FHIT: variants seen among roughly 807,000 people sequenced by gnomAD.
FHIT encodes the protein bis(5'-adenosyl)-triphosphatase.
FHIT carries 19 observed loss-of-function variants against 17.9 expected under a neutral mutation model. The ratio of observed to expected loss-of-function variants is 1.06; its 90% CI spans 0.74 to 1.56. The LOEUF (loss-of-function observed/expected upper bound fraction) is 1.56. FHIT is among the 40% of genes most tolerant of loss of function. FHIT has a pLI of 0.00. For missense variants in FHIT, 248 were observed against 189.2 expected (o/e 1.31, Z -1.82); for synonymous variants, 81 against 69.7 (o/e 1.16, Z -0.81).
At chr3:60,877,718 A>C (rs1704735970) in intron 3 of FHIT, among the ~76,000 whole-genome samples, 1 of 152,082 alleles carries the variant, frequency 6.6e-6, no homozygotes, top group South Asian at 2.1e-4. Context: ...AAGGAAACAG[A>C]GTAGAACATG....
chr3:59,834,484 T>G lies in FHIT; in HGVS notation c.349-82163A>C, dbSNP rs1701272969. On this transcript the variant is annotated intron_variant, in intron 8 of 9. Coordinates refer to ENST00000492590, the MANE Select transcript of FHIT (RefSeq NM_002012.4). ...TCAAAATATTATAAACTGGTTGGCT[T>G]ATAAAAAACAAACATTTACTTCTCA... is the stretch of plus-strand genomic sequence containing the variant. 2.6e-5 allele frequency among the ~76,000 whole-genome samples: 4 copies of G among 152,158 alleles called. No individual in the cohort carries two copies. In the South Asian group the frequency reaches 8.3e-4, roughly 32 times the overall value.
At chr3:60,175,853 A>G (rs1462177445) in intron 5 of FHIT, among the ~76,000 whole-genome samples, 1 of 152,160 alleles carries the variant, frequency 6.6e-6, no homozygotes, top group East Asian at 1.9e-4. Context: ...TAACTACCCT[A>G]GTACAACCCA....
intron 5 of FHIT, among the ~76,000 whole-genome samples, chr3:60,363,367 T>G (rs1261312318): frequency 2.0e-5 from 3 of 152,168 alleles, no homozygotes; most frequent in South Asian, 4.1e-4. Flanking sequence ...CTGCTTAACT[T>G]TTCAAAACAA....
chr3:60,441,655 G>C (rs1204158628), intron 5 of FHIT, among the ~76,000 whole-genome samples: 1 of 145,240 alleles, frequency 6.9e-6, no homozygotes, highest in Non-Finnish European at 1.5e-5. Context: ...GTAAATCTTA[G>C]GCCAATACAT....
chr3:60,095,809 TG>T (rs1433856298), intron 5 of FHIT, among the ~76,000 whole-genome samples: 2 of 152,196 alleles, frequency 1.3e-5, no homozygotes, highest in African/African-American at 4.8e-5. Flanking sequence ...ACAACCACCT[TG>T]TTTAAAAGAC....
intron 5 of FHIT, among the ~76,000 whole-genome samples, chr3:60,284,141 T>C (rs1707602856): frequency 6.6e-6 from 1 of 152,150 alleles, no homozygotes; most frequent in Non-Finnish European, 1.5e-5. Flanking sequence ...ACACTATTTG[T>C]CTGAAGAGCA....
At chr3:60,621,469 C>A (rs547207710) in intron 4 of FHIT, among the ~76,000 whole-genome samples, 1 of 151,922 alleles carries the variant, frequency 6.6e-6, no homozygotes, top group African/African-American at 2.4e-5. Flanking sequence ...TTTTAATATG[C>A]TTACTATTAC....
chr3:60,104,344 G>A (rs1704318131), intron 5 of FHIT, among the ~76,000 whole-genome samples: 1 of 152,104 alleles, frequency 6.6e-6, no homozygotes, highest in African/African-American at 2.4e-5. Flanking sequence ...TTCAATGTGT[G>A]CATTCAGTGC....
chr3:60,221,415 ATGCC>A (rs1347015960), intron 5 of FHIT, among the ~76,000 whole-genome samples: 1 of 152,174 alleles, frequency 6.6e-6, no homozygotes, highest in Admixed American at 6.5e-5. Context: ...CTTAACAGAG[ATGCC>A]TGCCTCTATC....
intron 5 of FHIT, among the ~76,000 whole-genome samples, chr3:60,144,068 T>G (rs1576194184): frequency 6.6e-6 from 1 of 152,122 alleles, no homozygotes; most frequent in African/African-American, 2.4e-5. Context: ...GAGAAATCAG[T>G]CTCTTCAAAT....
chr3:61,050,154 T>A (rs2033972885), intron 2 of FHIT, among the ~76,000 whole-genome samples: 1 of 152,188 alleles, frequency 6.6e-6, no homozygotes, highest in African/African-American at 2.4e-5. Flanking sequence ...GGTTTGCTTT[T>A]CTCTTGTAAA....
chr3:60,525,151 C>T (rs551050125), intron 5 of FHIT, among the ~76,000 whole-genome samples: 14 of 152,258 alleles, frequency 9.2e-5, no homozygotes, highest in Non-Finnish European at 5.9e-5. Flanking sequence ...AGGATCACTC[C>T]GGCTGCTGCC....
intron 4 of FHIT, among the ~76,000 whole-genome samples, chr3:60,588,445 AAG>A (rs1251406374): frequency 1.3e-5 from 2 of 151,474 alleles, no homozygotes; most frequent in African/African-American, 4.8e-5. Context: ...GGGAAGGAGA[AAG>A]AGAGGGGAAG....
intron 4 of FHIT, among the ~76,000 whole-genome samples, chr3:60,756,217 T>C (rs1226783717): frequency 2.0e-5 from 3 of 152,226 alleles, no homozygotes; most frequent in African/African-American, 7.2e-5. Context: ...TTGGGCTTCT[T>C]CTATCAAACA....
chr3:60,785,333 T>C (rs1293818822), intron 4 of FHIT, among the ~76,000 whole-genome samples: 4 of 152,016 alleles, frequency 2.6e-5, no homozygotes, highest in African/African-American at 9.7e-5. Context: ...CAATAGAAAA[T>C]GTAACAATAG....
chr3:60,218,848 C>G (rs979814377), intron 5 of FHIT, among the ~76,000 whole-genome samples: 5 of 151,718 alleles, frequency 3.3e-5, no homozygotes, highest in Non-Finnish European at 5.9e-5. Flanking sequence ...GCTCTTAACT[C>G]TATACTGCCT....
chr3:60,469,260 G>C (rs747126470), intron 5 of FHIT, among the ~76,000 whole-genome samples: 11 of 151,646 alleles, frequency 7.3e-5, no homozygotes, highest in South Asian at 2.1e-4. Flanking sequence ...CTCTCTCTCT[G>C]CCTCCTCTTT....
intron 3 of FHIT, among the ~76,000 whole-genome samples, chr3:60,963,770 G>A (rs567498263): frequency 6.6e-6 from 1 of 152,164 alleles, no homozygotes; most frequent in African/African-American, 2.4e-5. Flanking sequence ...CTCAGTTCTT[G>A]TTTGATTGCA....
chr3:60,469,465 G>C, intron 5 of FHIT, among the ~76,000 whole-genome samples: 1 of 152,130 alleles, frequency 6.6e-6, no homozygotes, highest in East Asian at 1.9e-4. Context: ...CAGTAGGCCA[G>C]CTGCATTTTT....
Sources: gnomAD v4.1 joint callset for allele counts (sites outside exome capture counted in the v4.1 genomes callset) on GRCh38, gnomAD v4.1.1 for gene constraint, MANE v1.5 for transcripts, NCBI Gene and HGNC (gene_info 2026-07-23, HGNC 2026-07-21) for gene names.